PDE4D: variants seen among roughly 807,000 people sequenced by gnomAD.
PDE4D encodes the protein phosphodiesterase 4D.
A neutral mutation model predicts 87.4 loss-of-function variants in PDE4D; 24 were observed. That is an observed-to-expected ratio of 0.27 (90% confidence interval 0.20 to 0.39). The LOEUF (loss-of-function observed/expected upper bound fraction) is 0.39. Among genes scored for constraint, PDE4D ranks in the 10% least tolerant of loss-of-function variants. The pLI is 1.00. For synonymous variants in PDE4D, 384 were observed against 383.2 expected, an observed-to-expected ratio of 1.00 and a Z score of -0.02; for missense variants, 714 against 1,041.0, an observed-to-expected ratio of 0.69 and a Z score of 4.32.
chr5:60,345,446 T>TAAATA (rs1554019341), intron 1 of PDE4D, among the ~76,000 whole-genome samples: 1 of 148,458 alleles, frequency 6.7e-6, no homozygotes, highest in Non-Finnish European at 1.5e-5. Flanking sequence ...TAAAGTATAA[T>TAAATA]AATAAATAAA....
chr5:59,530,981 A>C lies in PDE4D; in HGVS notation c.456-315013T>G, dbSNP rs146652882. On this transcript the variant is annotated intron_variant, in intron 1 of 14. Coordinates refer to ENST00000340635, the MANE Select transcript of PDE4D (RefSeq NM_001104631.2). ...AAATTCTAAGTGATTGTAAGAATTC[A>C]TCTTCTTTGAATACGGTGTATTGAA... Among the ~76,000 whole-genome samples the C allele has an allele frequency of 3.4e-3, 512 of 152,322 alleles. 1 individual carries two copies. The highest frequency in any genetic ancestry group is 0.012 in the African/African-American group (492 of 41,584).
intron 1 of PDE4D, among the ~76,000 whole-genome samples, chr5:59,797,307 G>A (rs2152658791): frequency 6.6e-6 from 1 of 152,334 alleles, no homozygotes; most frequent in Non-Finnish European, 1.5e-5. Flanking sequence ...GGCAAGTGAA[G>A]GAAATGTACT....
intron 1 of PDE4D, among the ~76,000 whole-genome samples, chr5:59,615,555 G>A (rs1322527248): frequency 6.6e-6 from 1 of 152,196 alleles, no homozygotes; most frequent in Non-Finnish European, 1.5e-5. Context: ...GATGGACACA[G>A]ACACAGTCAG....
chr5:59,679,484 A>G (rs1463927838), intron 1 of PDE4D, among the ~76,000 whole-genome samples: 12 of 152,200 alleles, frequency 7.9e-5, no homozygotes, highest in Admixed American at 7.8e-4. Context: ...TTTGTTAACT[A>G]TAATTCTGTA....
At position 60,149,261 on chromosome 5, in the gene PDE4D, C is replaced by T. The variant is rs548800982; in HGVS notation, c.42+36296G>A. 3.9e-4 allele frequency among the ~76,000 whole-genome samples: 59 copies of T among 152,120 alleles called. No homozygotes were observed. The South Asian group carries it at 0.012, about 30-fold the overall frequency. On this transcript the variant is annotated intron_variant, in intron 2 of 16. Transcript: ENST00000502484. ...TTATGGTTCTGGAGGCTGTGAAGGC[C>T]AAGAGCATGGTATCAGCACCTGACA...
At position 59,450,793 on chromosome 5, in the gene PDE4D, ACT is replaced by A. The variant is rs1213064853; in HGVS notation, c.456-234827_456-234826del. 9.9e-5 allele frequency among the ~76,000 whole-genome samples: 15 copies of A among 152,080 alleles called. No individual in the cohort carries two copies. The South Asian group carries it at 1.2e-3, about 13-fold the overall frequency. On this transcript the variant is annotated intron_variant, in intron 1 of 14. Coordinates refer to ENST00000340635, the MANE Select transcript of PDE4D (RefSeq NM_001104631.2). Reference sequence around the variant, plus strand: ...ATTTCCATTTTCCCTCCTGTTACCAACTCGGGCAAATCCTTCCACCTGTGCTT... The same window carrying A: ...ATTTCCATTTTCCCTCCTGTTACCAACGGGCAAATCCTTCCACCTGTGCTT...
At chr5:60,514,088 T>G (rs1750691737) in intron 1 of PDE4D, among the ~76,000 whole-genome samples, 1 of 151,814 alleles carries the variant, frequency 6.6e-6, no homozygotes, top group Admixed American at 6.6e-5. Context: ...GATAAGCCCC[T>G]AGTGAGACTG....
intron 1 of PDE4D, among the ~76,000 whole-genome samples, chr5:59,830,993 T>C (rs1741113610): frequency 1.3e-5 from 2 of 152,012 alleles, no homozygotes; most frequent in Admixed American, 1.3e-4. Flanking sequence ...AGGGCTTTTC[T>C]TTTGGGACAG....
intron 1 of PDE4D, chr5:59,276,122 GAAAAAAAAAAAAAAAAA>G: frequency 2.3e-6 from 2 of 853,188 alleles, no homozygotes; most frequent in Non-Finnish European, 2.7e-6. Flanking sequence ...AGTGAGAAAG[GAAAAAAAAAAAAAAAAA>G]AAAAGAAAAG....
At chr5:60,122,492 C>T (rs1416194408) in intron 2 of PDE4D, among the ~76,000 whole-genome samples, 2 of 152,242 alleles carry the variant, frequency 1.3e-5, no homozygotes, top group Non-Finnish European at 2.9e-5. Flanking sequence ...ATGGAAGATG[C>T]CAAGGCTTAG....
chr5:59,574,050 TTATATATAAAAATATATATATTTA>T (rs1822422676), intron 1 of PDE4D, among the ~76,000 whole-genome samples: 1 of 79,230 alleles, frequency 1.3e-5, no homozygotes, highest in Non-Finnish European at 2.3e-5. Context: ...TTATATATAT[TTATATATAAAAATATATATATTTA>T]TATATATATT....
chr5:59,530,094 T>A (rs1813923987), intron 1 of PDE4D, among the ~76,000 whole-genome samples: 1 of 152,202 alleles, frequency 6.6e-6, no homozygotes, highest in Admixed American at 6.5e-5. Context: ...GGTTCATGGA[T>A]CACATTTTGA....
intron 5 of PDE4D, among the ~76,000 whole-genome samples, chr5:59,115,196 A>T (rs1773389343): frequency 6.6e-6 from 1 of 152,150 alleles, no homozygotes; most frequent in South Asian, 2.1e-4. Context: ...AGAGCAATAC[A>T]GATTGAGCAA....
chr5:59,019,073 C>T (rs935387370), intron 6 of PDE4D, among the ~76,000 whole-genome samples: 1 of 152,052 alleles, frequency 6.6e-6, no homozygotes, highest in African/African-American at 2.4e-5. Context: ...CAGCCCTCCC[C>T]CAATACCCAA....
At chr5:59,961,774 T>C (rs564782309) in intron 3 of PDE4D, among the ~76,000 whole-genome samples, 1 of 152,174 alleles carries the variant, frequency 6.6e-6, no homozygotes, top group South Asian at 2.1e-4. Context: ...GAAAGTGCTG[T>C]AGGGAAAGGG....
At chr5:60,172,533 G>C (rs868417117) in intron 2 of PDE4D, among the ~76,000 whole-genome samples, 2 of 152,096 alleles carry the variant, frequency 1.3e-5, no homozygotes, top group Middle Eastern at 6.8e-3. Flanking sequence ...TTTCTTCCCT[G>C]TTTTGTCTCT....
At chr5:59,098,790 A>G (rs535815418) in intron 5 of PDE4D, among the ~76,000 whole-genome samples, 1 of 151,840 alleles carries the variant, frequency 6.6e-6, no homozygotes, top group Non-Finnish European at 1.5e-5. Context: ...CACCATGTTT[A>G]TCAGGGACCT....
chr5:59,770,977 A>T (rs1297576244), intron 1 of PDE4D, among the ~76,000 whole-genome samples: 4 of 151,804 alleles, frequency 2.6e-5, no homozygotes, highest in African/African-American at 9.7e-5. Flanking sequence ...ATAAAACATT[A>T]AAAAATAGCT....
intron 1 of PDE4D, among the ~76,000 whole-genome samples, chr5:59,394,385 TTG>T (rs1788900138): frequency 6.6e-6 from 1 of 152,204 alleles, no homozygotes; most frequent in Admixed American, 6.5e-5. Flanking sequence ...ACTCACATTT[TTG>T]TCTTTTTGCT....
Sources: allele counts gnomAD v4.1 joint callset (sites outside exome capture counted in the v4.1 genomes callset), GRCh38; gene constraint gnomAD v4.1.1; transcripts MANE v1.5; gene names NCBI Gene and HGNC (gene_info 2026-07-23, HGNC 2026-07-21).